Variants in GIT2 observed in about 807,000 individuals in gnomAD.
The protein encoded by GIT2 is ARF GTPase-activating protein GIT2.
GIT2 carries 32 observed loss-of-function variants against 100.3 expected under a neutral mutation model. That is an observed-to-expected ratio of 0.32 (90% confidence interval 0.24 to 0.43). The LOEUF (loss-of-function observed/expected upper bound fraction) is 0.43. GIT2 is among the 20% of genes least tolerant of loss of function. The pLI is 1.00. For synonymous variants in GIT2, 353 were observed against 364.1 expected, an observed-to-expected ratio of 0.97 and a Z score of 0.35; for missense variants, 737 against 975.1, an observed-to-expected ratio of 0.76 and a Z score of 3.25.
upstream of GIT2, chr12:109,998,661 G>A (rs184462297): frequency 6.6e-6 from 1 of 152,324 alleles, no homozygotes; most frequent in East Asian, 1.9e-4. Context: ...CAAAAAGCTA[G>A]CTTAAAAATG....
Position 109,952,287 on chromosome 12 carries a change from G to A in GIT2, c.1242+805C>T, listed in dbSNP as rs146453254. On this transcript the variant is annotated intron_variant, in intron 13 of 19. Coordinates refer to ENST00000355312, the MANE Select transcript of GIT2 (RefSeq NM_057169.5). ...TGGGTGTGTCCTGGGGGTCAGCAGA[G>A]GGTGCACAGCCTGGGGTCCTGCTGC... Among the ~76,000 whole-genome samples the A allele has an allele frequency of 1.1e-4, 17 of 152,276 alleles. No homozygotes were observed. In the East Asian group the frequency reaches 3.3e-3, roughly 29 times the overall value.
chr12:109,975,841 G>A lies in GIT2; in HGVS notation c.718+5111C>T, dbSNP rs1884907075. 2.0e-5 allele frequency among the ~76,000 whole-genome samples: 3 copies of A among 147,396 alleles called. No individual in the cohort carries two copies. In the South Asian group the frequency reaches 6.5e-4, roughly 32 times the overall value. On this transcript the variant is annotated intron_variant, in intron 7 of 19. Coordinates refer to ENST00000355312, the MANE Select transcript of GIT2 (RefSeq NM_057169.5). ...GGCTGGAGTGCAGTGGCATGATCTC[G>A]GCTCACTGCAACCTCTGCCTCCCGG...
chr12:109,952,909 G>A, intron 13 of GIT2, 183 bp downstream of exon 13: 1 of 612,282 alleles, frequency 1.6e-6, no homozygotes, highest in Non-Finnish European at 2.9e-6. Flanking sequence ...GTTTTATAAA[G>A]TCTCAACTGC....
rs1888040107 is a variant in GIT2 at position 109,989,704 on chromosome 12, T to A, written c.285A>T (p.Pro95=). Residue 95 remains proline, a synonymous_variant, in exon 3 of 20, where the codon CCA becomes CCT. Coordinates refer to ENST00000355312, the MANE Select transcript of GIT2 (RefSeq NM_057169.5). ...SIMSGRRKAN[P]QDKVHPNKAE... ...ATTCCACTCACTGTACTTTATCCTG[T>A]GGATTAGCTTTACGTCTTCCACTCA... 3 of 1,509,428 alleles carry A rather than the reference T, an allele frequency of 2.0e-6. No individual in the cohort carries two copies. The East Asian group carries it at 6.8e-5, about 34-fold the overall frequency. 93.5% of individuals were successfully genotyped at this position (1,509,428 alleles called of 1,614,324 possible).
intron 13 of GIT2, 51 bp downstream of exon 13, chr12:109,953,041 A>ATCCCTCAGCTGATGCGTGCTT: frequency 6.3e-7 from 1 of 1,596,960 alleles, no homozygotes; most frequent in Non-Finnish European, 8.6e-7. Flanking sequence ...TGGCAGGGCT[A>ATCCCTCAGCTGATGCGTGCTT]GCCCTCAGCT....
chr12:109,979,188 G>C (rs1045816967), intron 7 of GIT2, among the ~76,000 whole-genome samples: 17 of 152,032 alleles, frequency 1.1e-4, no homozygotes, highest in Admixed American at 1.1e-3. Flanking sequence ...AAAAAGGAAG[G>C]AGGAGGAGGA....
At chr12:109,992,861 G>A (rs964381766) in intron 1 of GIT2, among the ~76,000 whole-genome samples, 2 of 151,838 alleles carry the variant, frequency 1.3e-5, no homozygotes, top group South Asian at 4.2e-4. Context: ...TAGTACAGAC[G>A]AGGTTTCACC....
intron 7 of GIT2, 190 bp downstream of exon 7, chr12:109,980,762 T>C: frequency 1.7e-6 from 1 of 574,960 alleles, no homozygotes; most frequent in South Asian, 2.2e-5. Flanking sequence ...ATCTAAGGAG[T>C]TTTGTCCAAC....
At chr12:109,972,011 AT>A (rs111508216) in intron 7 of GIT2, among the ~76,000 whole-genome samples, 22,628 of 135,336 alleles carry the variant, frequency 0.17, 3,033 homozygotes, top group African/African-American at 0.4. Context: ...GGAAAAAAAA[AT>A]ATATATATAT....
At position 109,947,295 on chromosome 12, in the gene GIT2, G is replaced by A. The variant is rs779181329; in HGVS notation, c.1602C>T (p.Pro534=). 1.3e-5 allele frequency: 21 copies of A among 1,613,976 alleles called. No homozygotes were observed. In the South Asian group the frequency reaches 1.6e-4, roughly 13 times the overall value. The change falls in exon 15 of 20, where the codon CCC becomes CCT. Residue 534 remains proline, a synonymous_variant. Coordinates refer to ENST00000355312, the MANE Select transcript of GIT2 (RefSeq NM_057169.5). The surrounding 1 kb of genome is among the most constrained non-coding windows in gnomAD (Gnocchi z 4.3). ...PYLPMGEASR[P]EESRMRLQPF... is the part of the protein sequence containing the mutation. ...GCTGGAGTCTCATCCTGCTCTCTTC[G>A]GGGCGGCTCGCTTCTCCCATTGGGA...
chr12:109,951,427 A>C lies in GIT2; in HGVS notation c.1243-111T>G, dbSNP rs945407610. On this transcript the variant is annotated intron_variant, in intron 13 of 19. Coordinates refer to ENST00000355312, the MANE Select transcript of GIT2 (RefSeq NM_057169.5). ...AGCCAGCTGAATTGCAAAGTTAGTC[A>C]AACCAAATCAAGGCCTCTGAGAGTA... The C allele has an allele frequency of 8.4e-6, 7 of 830,752 alleles. No homozygotes were observed. The African/African-American group carries it at 1.2e-4, about 14-fold the overall frequency. The allele number at this position is 830,752 out of a possible 1,614,324, so 51.5% of individuals were successfully genotyped here. A position where few individuals can be genotyped will look rare whatever the true frequency, so the allele number is the denominator to read the frequency against.
intron 16 of GIT2, among the ~76,000 whole-genome samples, chr12:109,941,848 CAG>C (rs1222919361): frequency 6.7e-6 from 1 of 149,432 alleles, no homozygotes; most frequent in Non-Finnish European, 1.5e-5. Context: ...TTTTTTGAGA[CAG>C]GGTCTCACTC....
At chr12:109,999,706 C>T, upstream of GIT2, 1 of 1,536,188 alleles carries the variant, frequency 6.5e-7, no homozygotes, top group African/African-American at 1.4e-5. This position sits in a 1 kb window ranked among gnomAD's most constrained non-coding sequence, Gnocchi z 4.3. Context: ...CGGCCTGCGA[C>T]GCGGGCGACC....
chr12:109,955,427 C>T (rs1856987993), intron 12 of GIT2, among the ~76,000 whole-genome samples: 1 of 151,940 alleles, frequency 6.6e-6, no homozygotes, highest in Non-Finnish European at 1.5e-5. Context: ...CACCCAGCCT[C>T]TTGGTAGTTA....
intron 16 of GIT2, among the ~76,000 whole-genome samples, chr12:109,942,449 T>C (rs1211345193): frequency 2.0e-5 from 3 of 152,158 alleles, no homozygotes; most frequent in Non-Finnish European, 4.4e-5. Context: ...TTCTCCTGCC[T>C]AAGCCTCCCA....
chr12:109,981,121 C>A, intron 6 of GIT2, 75 bp from the exon 7 acceptor site: 1 of 890,128 alleles, frequency 1.1e-6, no homozygotes, highest in South Asian at 1.3e-5. Context: ...AAAGACGTCT[C>A]CTGAGACACC....
intron 8 of GIT2, among the ~76,000 whole-genome samples, chr12:109,966,526 A>AAAAG (rs1555229689): frequency 6.4e-4 from 96 of 150,498 alleles, no homozygotes; most frequent in African/African-American, 2.1e-3. Context: ...AAAAAAAAAA[A>AAAAG]AAAGAAAGAA....
At chr12:109,935,455 G>A (rs528938817) in intron 18 of GIT2, among the ~76,000 whole-genome samples, 49 of 152,170 alleles carry the variant, frequency 3.2e-4, no homozygotes, top group Non-Finnish European at 5.9e-4. Context: ...GTGCAATCTC[G>A]GCTCACTGCA....
chr12:109,977,221 G>GA (rs1338268697), intron 7 of GIT2, among the ~76,000 whole-genome samples: 1 of 152,038 alleles, frequency 6.6e-6, no homozygotes, highest in Non-Finnish European at 1.5e-5. Context: ...AAGAAGATGA[G>GA]AAAAAATAAT....
Sources: allele counts gnomAD v4.1 joint callset (sites outside exome capture counted in the v4.1 genomes callset), GRCh38; gene constraint gnomAD v4.1.1; non-coding constraint Gnocchi (gnomAD v3.1); transcripts MANE v1.5; gene names NCBI Gene and HGNC (gene_info 2026-07-23, HGNC 2026-07-21).